Variants in RAB27A observed in about 807,000 individuals in gnomAD.
RAB27A encodes the protein RAB27A, member RAS oncogene family, also known as ras-related protein Rab-27A.
RAB27A carries 17 observed loss-of-function variants against 20.8 expected under a neutral mutation model. That is an observed-to-expected ratio of 0.82 (90% CI 0.56 to 1.23). RAB27A has a LOEUF of 1.23. Ranked by LOEUF, RAB27A falls within the 50% of genes most tolerant of loss-of-function variation. The pLI is 0.00. For missense variants in RAB27A, 277 were observed against 266.7 expected (o/e 1.04, Z -0.27); for synonymous variants, 85 against 92.8 (o/e 0.92, Z 0.48).
At chr15:55,206,401 G>T in intron 6 of RAB27A, 1 of 255,038 alleles carries the variant, frequency 3.9e-6, no homozygotes, top group Middle Eastern at 1.9e-3. Context: ...CCAGGCTGGA[G>T]TGCAGTGGCA....
intron 1 of RAB27A, chr15:55,270,799 A>G (rs999057185): frequency 6.6e-6 from 1 of 152,222 alleles, no homozygotes; most frequent in Non-Finnish European, 1.5e-5. Flanking sequence ...AAAACTGCCT[A>G]CAAGGGAGTC....
intron 6 of RAB27A, among the ~76,000 whole-genome samples, chr15:55,213,843 T>C (rs1895139699): frequency 1.3e-5 from 2 of 152,216 alleles, no homozygotes; most frequent in Non-Finnish European, 2.9e-5. Flanking sequence ...ATTATTTCAT[T>C]ATATATGGCA....
chr15:55,300,963 G>A (rs1315440369), intron 2 of RAB27A, among the ~76,000 whole-genome samples: 2 of 152,098 alleles, frequency 1.3e-5, no homozygotes, highest in Admixed American at 6.5e-5. Flanking sequence ...TTTCTCAAGA[G>A]ACCCAAAGCC....
chr15:55,220,940 A>C (rs916565830), intron 6 of RAB27A, among the ~76,000 whole-genome samples: 6 of 152,174 alleles, frequency 3.9e-5, no homozygotes, highest in African/African-American at 1.4e-4. Context: ...CCTTTCTTCA[A>C]GGGTTTCAAT....
At chr15:55,219,781 T>C (rs1895479080) in intron 6 of RAB27A, among the ~76,000 whole-genome samples, 1 of 152,230 alleles carries the variant, frequency 6.6e-6, no homozygotes, top group Non-Finnish European at 1.5e-5. Context: ...TGTTTTGTTC[T>C]CTTCTCCAAC....
At chr15:55,253,574 C>G (rs534837875) in intron 2 of RAB27A, among the ~76,000 whole-genome samples, 1 of 152,274 alleles carries the variant, frequency 6.6e-6, no homozygotes, top group South Asian at 2.1e-4. Flanking sequence ...AAGGCCATAC[C>G]TTGTCTCTGT....
At chr15:55,286,284 G>T (rs1260007386) in intron 1 of RAB27A, among the ~76,000 whole-genome samples, 1 of 152,130 alleles carries the variant, frequency 6.6e-6, no homozygotes, top group African/African-American at 2.4e-5. Flanking sequence ...ATATATGTCA[G>T]AAACCATTCT....
At chr15:55,239,787 G>A (rs1441731123) in intron 2 of RAB27A, among the ~76,000 whole-genome samples, 1 of 152,154 alleles carries the variant, frequency 6.6e-6, no homozygotes, top group Non-Finnish European at 1.5e-5. Flanking sequence ...GAATTCCAAA[G>A]AATAAGAAAA....
At chr15:55,314,665 C>T (rs8039771) in intron 1 of RAB27A, among the ~76,000 whole-genome samples, 74,015 of 152,030 alleles carry the variant, frequency 0.49, 21,327 homozygotes, top group African/African-American at 0.79. Context: ...CTATTCACAA[C>T]TGCTACAAAC....
Position 55,205,289 on chromosome 15 carries a change from A to C in RAB27A, c.*218T>G. The stretch of plus-strand genomic sequence containing the variant: ...GTTGTATAAGGCACTTTTGGCTCTG[A>C]AATATTTCTCCTAACTCTCAGGCTG... On this transcript the variant is annotated 3_prime_UTR_variant, in exon 7 of 7. Coordinates refer to ENST00000336787, the MANE Select transcript of RAB27A (RefSeq NM_183235.3). 1 of 603,468 alleles carries C rather than the reference A, an allele frequency of 1.7e-6. No homozygotes were observed. The highest frequency in any genetic ancestry group is 2.9e-6 in the Non-Finnish European group (1 of 342,316). 37.4% of individuals were successfully genotyped at this position (603,468 alleles called of 1,614,324 possible). A position where few individuals can be genotyped will look rare whatever the true frequency, so the allele number is the denominator to read the frequency against.
chr15:55,314,475 T>G (rs1024281866), intron 1 of RAB27A, among the ~76,000 whole-genome samples: 1 of 152,066 alleles, frequency 6.6e-6, no homozygotes, highest in Non-Finnish European at 1.5e-5. Context: ...AGAGAGGAAG[T>G]CAAATTGTCT....
At position 55,205,323 on chromosome 15, in the gene RAB27A, A is replaced by G. The variant is rs1310275396; in HGVS notation, c.*184T>C. The G allele has an allele frequency of 3.0e-6, 2 of 673,858 alleles. No homozygotes were observed. The highest frequency in any genetic ancestry group is 5.4e-5 in the East Asian group (2 of 36,708). 41.7% of individuals were successfully genotyped at this position (673,858 alleles called of 1,614,324 possible). A position where few individuals can be genotyped will look rare whatever the true frequency, so the allele number is the denominator to read the frequency against. On this transcript the variant is annotated 3_prime_UTR_variant, in exon 7 of 7. Transcript: ENST00000336787. ...TCCTAACTCTCAGGCTGAATCTTAA[A>G]GAAATATTTACAAAGCTGCAACAAA...
intron 2 of RAB27A, among the ~76,000 whole-genome samples, chr15:55,237,704 G>A (rs566385808): frequency 5.2e-4 from 79 of 152,130 alleles, no homozygotes; most frequent in Non-Finnish European, 9.3e-4. Context: ...CTCATTTGAG[G>A]GCTTCCCCTC....
chr15:55,278,268 C>T (rs1249019221), intron 1 of RAB27A, among the ~76,000 whole-genome samples: 3 of 152,082 alleles, frequency 2.0e-5, no homozygotes, highest in Non-Finnish European at 4.4e-5. Flanking sequence ...GGACAAAAGC[C>T]TGGCAGGTTT....
chr15:55,243,197 G>GA (rs966906822), intron 2 of RAB27A, among the ~76,000 whole-genome samples: 1 of 150,184 alleles, frequency 6.7e-6, no homozygotes, highest in East Asian at 1.9e-4. Flanking sequence ...GCAAATCCAA[G>GA]AAAAAAAAAT....
chr15:55,263,842 C>A (rs1439375448), intron 2 of RAB27A, among the ~76,000 whole-genome samples: 1 of 152,076 alleles, frequency 6.6e-6, no homozygotes, highest in Non-Finnish European at 1.5e-5. Context: ...ATTTGAGGAA[C>A]GATGTTAGAG....
chr15:55,308,004 T>C (rs1487845808), intron 2 of RAB27A, among the ~76,000 whole-genome samples: 1 of 152,170 alleles, frequency 6.6e-6, no homozygotes, highest in Non-Finnish European at 1.5e-5. Context: ...CTAGCCATCC[T>C]GAGGGGAGGA....
Position 55,258,752 on chromosome 15 carries a change from T to A in RAB27A, c.-23+11413A>T, listed in dbSNP as rs189230820. On this transcript the variant is annotated intron_variant, in intron 2 of 6. Coordinates refer to ENST00000336787, the MANE Select transcript of RAB27A (RefSeq NM_183235.3). ...CTCTGAGTGCTAATGAGTGTGAGCA[T>A]CTTTTATTAGTTTCTTGGCCATCTA... Among the ~76,000 whole-genome samples the A allele has an allele frequency of 5.9e-5, 9 of 152,366 alleles. No individual in the cohort carries two copies. The East Asian group carries it at 1.5e-3, about 26-fold the overall frequency.
At chr15:55,281,192 T>C (rs923851117) in intron 1 of RAB27A, among the ~76,000 whole-genome samples, 34 of 152,188 alleles carry the variant, frequency 2.2e-4, no homozygotes, top group Non-Finnish European at 4.1e-4. Flanking sequence ...AGCATTAACA[T>C]GGTAATCTTT....
Sources: gnomAD v4.1 joint callset for allele counts (sites outside exome capture counted in the v4.1 genomes callset) on GRCh38, gnomAD v4.1.1 for gene constraint, MANE v1.5 for transcripts, NCBI Gene and HGNC (gene_info 2026-07-23, HGNC 2026-07-21) for gene names.